Variants in VPS41 observed in about 807,000 individuals in gnomAD.
VPS41 encodes VPS41 subunit of HOPS complex, also known as vacuolar protein sorting-associated protein 41 homolog.
A neutral mutation model predicts 130.9 loss-of-function variants in VPS41; 85 were observed. That is an observed-to-expected ratio of 0.65 (90% CI 0.55 to 0.78). The LOEUF is 0.78. Among genes scored for constraint, VPS41 ranks in the 30% least tolerant of loss-of-function variants. The pLI is 0.00. For synonymous variants in VPS41, 335 were observed against 332.9 expected, an observed-to-expected ratio of 1.01 and a Z score of -0.07; for missense variants, 874 against 1,018.7, an observed-to-expected ratio of 0.86 and a Z score of 1.93.
intron 3 of VPS41, among the ~76,000 whole-genome samples, chr7:38,868,632 G>C (rs1786280055): frequency 6.6e-6 from 1 of 152,190 alleles, no homozygotes; most frequent in African/African-American, 2.4e-5. Flanking sequence ...AAGTTGGTGA[G>C]AGCTTTGTTA....
chr7:38,783,528 T>C (rs376796143), intron 10 of VPS41, among the ~76,000 whole-genome samples: 25 of 151,496 alleles, frequency 1.7e-4, no homozygotes, highest in African/African-American at 5.6e-4. Flanking sequence ...AGCGAAACTC[T>C]GTCTCAAAAA....
intron 9 of VPS41, among the ~76,000 whole-genome samples, chr7:38,793,832 T>C (rs967988342): frequency 3.3e-5 from 5 of 152,186 alleles, no homozygotes; most frequent in Non-Finnish European, 7.4e-5. Flanking sequence ...CTCTTCCATG[T>C]TAGCATCTCC....
chr7:38,828,521 C>T (rs1026678130), intron 5 of VPS41, among the ~76,000 whole-genome samples: 2 of 152,092 alleles, frequency 1.3e-5, no homozygotes, highest in African/African-American at 4.8e-5. Context: ...ATTTAGATAT[C>T]TGGAATGTGT....
At chr7:38,781,362 C>A (rs1246163892) in intron 10 of VPS41, among the ~76,000 whole-genome samples, 1 of 152,210 alleles carries the variant, frequency 6.6e-6, no homozygotes, top group Non-Finnish European at 1.5e-5. Flanking sequence ...TTTGACAGTG[C>A]AGGTCTAGAT....
intron 25 of VPS41, among the ~76,000 whole-genome samples, chr7:38,733,899 T>G (rs910240637): frequency 6.6e-6 from 1 of 152,132 alleles, no homozygotes; most frequent in African/African-American, 2.4e-5. Flanking sequence ...GGCAACATAG[T>G]GAGACCCTGT....
intron 22 of VPS41, among the ~76,000 whole-genome samples, chr7:38,746,281 A>G (rs1479503117): frequency 1.3e-5 from 2 of 151,862 alleles, no homozygotes; most frequent in Non-Finnish European, 2.9e-5. Context: ...GACCTACTAT[A>G]TATTGATAAA....
intron 8 of VPS41, 137 bp downstream of exon 8, chr7:38,796,608 T>C: frequency 7.9e-7 from 1 of 1,271,432 alleles, no homozygotes; most frequent in South Asian, 1.2e-5. Flanking sequence ...CTCCTAGGTA[T>C]GATACCAATC....
At chr7:38,839,025 C>T (rs567810752) in intron 4 of VPS41, among the ~76,000 whole-genome samples, 3 of 152,340 alleles carry the variant, frequency 2.0e-5, no homozygotes, top group East Asian at 3.9e-4. Context: ...TTCAAAAATG[C>T]TGCATCCCCA....
At chr7:38,849,367 T>C (rs1377784376) in intron 4 of VPS41, among the ~76,000 whole-genome samples, 1 of 152,186 alleles carries the variant, frequency 6.6e-6, no homozygotes, top group Non-Finnish European at 1.5e-5. Context: ...GTCAGCTCAA[T>C]CAGACCCCCT....
At chr7:38,754,378 A>AAAACATTC (rs1223635387) in intron 21 of VPS41, among the ~76,000 whole-genome samples, 5 of 152,212 alleles carry the variant, frequency 3.3e-5, no homozygotes, top group Non-Finnish European at 7.3e-5. Flanking sequence ...ACATAACACA[A>AAAACATTC]AAACATTCAT....
intron 11 of VPS41, among the ~76,000 whole-genome samples, chr7:38,776,140 T>C (rs994631746): frequency 6.6e-6 from 1 of 152,204 alleles, no homozygotes; most frequent in Admixed American, 6.5e-5. Flanking sequence ...TCTGCTGCTT[T>C]TTATTAGCCA....
At position 38,862,551 on chromosome 7, in the gene VPS41, A is replaced by T. The variant is rs750620577; in HGVS notation, c.240T>A (p.Phe80Leu). Reference sequence around the variant, plus strand: ...TTTTATACAGAATACTTACTACATCAAACTTCTGAGTGATGTTCCCCTGGA... The same window carrying T: ...TTTTATACAGAATACTTACTACATCTAACTTCTGAGTGATGTTCCCCTGGA... ...LDVQGNITQK[F>L]DVSPVKINQI... The change falls in exon 4 of 29, where the codon TTT (phenylalanine) becomes TTA (leucine). Residue 80 changes from phenylalanine (F) to leucine (L), a missense_variant. Transcript: ENST00000310301. The T allele has an allele frequency of 1.9e-6, 3 of 1,598,954 alleles. No individual in the cohort carries two copies. Among genetic ancestry groups the T allele is most frequent in the Non-Finnish European group, 2.6e-6 (3 of 1,169,284 alleles).
chr7:38,751,860 A>T (rs1783681519), intron 22 of VPS41, among the ~76,000 whole-genome samples: 1 of 152,150 alleles, frequency 6.6e-6, no homozygotes, highest in Non-Finnish European at 1.5e-5. Flanking sequence ...TGTCACTCTG[A>T]TCCTGGGAGA....
At chr7:38,759,537 G>A (rs562190314) in intron 17 of VPS41, among the ~76,000 whole-genome samples, 1 of 152,322 alleles carries the variant, frequency 6.6e-6, no homozygotes, top group Non-Finnish European at 1.5e-5. Context: ...TGGGTGTGGT[G>A]AAGAGTTGCA....
At chr7:38,787,463 G>A (rs1341746785) in intron 10 of VPS41, among the ~76,000 whole-genome samples, 2 of 152,130 alleles carry the variant, frequency 1.3e-5, no homozygotes, top group African/African-American at 4.8e-5. Context: ...TGTCCCAAAA[G>A]CCCTATGTAT....
chr7:38,829,075 T>C (rs1361447412), intron 5 of VPS41, among the ~76,000 whole-genome samples: 1 of 152,166 alleles, frequency 6.6e-6, no homozygotes, highest in Non-Finnish European at 1.5e-5. Flanking sequence ...ACACAAAAAA[T>C]GTTTCAGCGG....
At chr7:38,821,709 A>AC (rs1785175622) in intron 5 of VPS41, among the ~76,000 whole-genome samples, 1 of 150,148 alleles carries the variant, frequency 6.7e-6, no homozygotes, top group Non-Finnish European at 1.5e-5. Context: ...TCCGTCTCAA[A>AC]AAAAAAAAAA....
chr7:38,873,578 T>G (rs1786421608), intron 2 of VPS41, among the ~76,000 whole-genome samples: 1 of 152,134 alleles, frequency 6.6e-6, no homozygotes, highest in Non-Finnish European at 1.5e-5. Flanking sequence ...CCATCAACAG[T>G]CTGAGTTAAG....
At chr7:38,828,391 T>A (rs1785322489) in intron 5 of VPS41, among the ~76,000 whole-genome samples, 1 of 152,150 alleles carries the variant, frequency 6.6e-6, no homozygotes, top group Non-Finnish European at 1.5e-5. Flanking sequence ...ACTTGAAAAC[T>A]GAATGCAAAT....
Sources: gnomAD v4.1 joint callset for allele counts (sites outside exome capture counted in the v4.1 genomes callset) on GRCh38, gnomAD v4.1.1 for gene constraint, MANE v1.5 for transcripts, NCBI Gene and HGNC (gene_info 2026-07-23, HGNC 2026-07-21) for gene names.